Variants in TOP6BL observed in about 807,000 individuals in gnomAD.
TOP6BL encodes the protein TOP6B like initiator of meiotic double strand breaks, also known as type 2 DNA topoisomerase 6 subunit B-like.
At chr11:66,772,112 T>C in the TOP6BL span, among the ~76,000 whole-genome samples, 1 of 152,128 alleles carries the variant, frequency 6.6e-6, no homozygotes, top group African/African-American at 2.4e-5. Context: ...TTCCAACCCT[T>C]ATGGATGACT....
At chr11:66,837,251 C>A in the TOP6BL span, among the ~76,000 whole-genome samples, 1 of 151,156 alleles carries the variant, frequency 6.6e-6, no homozygotes, top group East Asian at 2.0e-4. Flanking sequence ...CTCAGCCTAC[C>A]GCATAGCTGG....
At chr11:66,843,265 T>G in the TOP6BL span, 1 of 1,604,244 alleles carries the variant, frequency 6.2e-7, no homozygotes, top group Non-Finnish European at 8.5e-7. Context: ...CGCCCACCGA[T>G]CCGGAGGCTG....
the TOP6BL span, among the ~76,000 whole-genome samples, chr11:66,809,883 T>G: frequency 6.6e-6 from 1 of 152,162 alleles, no homozygotes; most frequent in Non-Finnish European, 1.5e-5. Context: ...TTTTTTTATT[T>G]TTATTTTTTG....
the TOP6BL span, among the ~76,000 whole-genome samples, chr11:66,745,597 C>T: frequency 6.6e-6 from 1 of 152,186 alleles, no homozygotes; most frequent in Admixed American, 6.5e-5. Context: ...GGGTACTGGG[C>T]AGGTGACAGA....
chr11:66,797,155 A>G, the TOP6BL span, among the ~76,000 whole-genome samples: 5 of 152,054 alleles, frequency 3.3e-5, no homozygotes, highest in South Asian at 8.3e-4. Flanking sequence ...GTGCACCACC[A>G]TGCCCGGCTA....
At chr11:66,793,201 TTAGCCTCCCAAG>T in the TOP6BL span, among the ~76,000 whole-genome samples, 1 of 151,956 alleles carries the variant, frequency 6.6e-6, no homozygotes, top group African/African-American at 2.4e-5. Flanking sequence ...TTCTGGTGTC[TTAGCCTCCCAAG>T]TAGCTGGGAT....
the TOP6BL span, among the ~76,000 whole-genome samples, chr11:66,794,826 T>C: frequency 6.6e-6 from 1 of 152,152 alleles, no homozygotes; most frequent in African/African-American, 2.4e-5. Context: ...TCTCTGAGCC[T>C]TTTTAAAAAA....
chr11:66,777,053 A>G, the TOP6BL span, among the ~76,000 whole-genome samples: 1 of 149,680 alleles, frequency 6.7e-6, no homozygotes, highest in Non-Finnish European at 1.5e-5. Context: ...CTATATCTAT[A>G]TATCTATATC....
At chr11:66,843,365 G>C in the TOP6BL span, 6 of 1,443,366 alleles carry the variant, frequency 4.2e-6, no homozygotes, top group Non-Finnish European at 5.4e-6. Context: ...CCCGGGCGGG[G>C]CGGGGCGGGG....
chr11:66,808,981 C>G, the TOP6BL span, among the ~76,000 whole-genome samples: 1 of 152,016 alleles, frequency 6.6e-6, no homozygotes, highest in Non-Finnish European at 1.5e-5. Flanking sequence ...AGTCTCGCTC[C>G]GTCGCCCAGG....
chr11:66,784,021 TG>T, the TOP6BL span, among the ~76,000 whole-genome samples: 1 of 148,632 alleles, frequency 6.7e-6, no homozygotes, highest in Non-Finnish European at 1.5e-5. Flanking sequence ...TTTTGGTTTT[TG>T]TTTTGTTTTG....
At chr11:66,810,238 A>G in the TOP6BL span, among the ~76,000 whole-genome samples, 2 of 152,216 alleles carry the variant, frequency 1.3e-5, no homozygotes, top group Non-Finnish European at 2.9e-5. Context: ...GAAGACCTGT[A>G]TTATAAGAAA....
At chr11:66,843,368 G>T in the TOP6BL span, 7 of 1,442,746 alleles carry the variant, frequency 4.9e-6, no homozygotes, top group African/African-American at 5.9e-5. Flanking sequence ...GGGCGGGGCG[G>T]GGCGGGGCGT....
At chr11:66,805,209 C>T in the TOP6BL span, among the ~76,000 whole-genome samples, 40 of 151,908 alleles carry the variant, frequency 2.6e-4, no homozygotes, top group African/African-American at 2.7e-4. Context: ...ACTCTAGCCT[C>T]GGTGACAGAG....
chr11:66,746,422 GA>G, the TOP6BL span, among the ~76,000 whole-genome samples: 1 of 151,676 alleles, frequency 6.6e-6, no homozygotes, highest in East Asian at 2.0e-4. Context: ...CTCCGTCTCT[GA>G]AAAAAATACA....
At chr11:66,830,428 G>A in the TOP6BL span, among the ~76,000 whole-genome samples, 1 of 152,122 alleles carries the variant, frequency 6.6e-6, no homozygotes, top group Admixed American at 6.6e-5. Flanking sequence ...GAAAATGCCT[G>A]TGTTAGAAAA....
the TOP6BL span, among the ~76,000 whole-genome samples, chr11:66,757,738 C>T: frequency 1.3e-5 from 2 of 152,110 alleles, no homozygotes; most frequent in African/African-American, 2.4e-5. Flanking sequence ...AGGCGCCTGC[C>T]ACCACGCTCA....
chr11:66,824,275 C>T, the TOP6BL span, among the ~76,000 whole-genome samples: 149 of 151,652 alleles, frequency 9.8e-4, 6 homozygotes, highest in South Asian at 0.027. Context: ...GTCGGAGTTT[C>T]GCTCTTGTTG....
At chr11:66,812,791 C>T in the TOP6BL span, among the ~76,000 whole-genome samples, 1 of 152,158 alleles carries the variant, frequency 6.6e-6, no homozygotes, top group Non-Finnish European at 1.5e-5. Flanking sequence ...TTGACAATGT[C>T]TGGAGACGTT....
Sources: gnomAD v4.1 joint callset for allele counts (sites outside exome capture counted in the v4.1 genomes callset) on GRCh38, gnomAD v4.1.1 for gene constraint, MANE v1.5 for transcripts, NCBI Gene and HGNC (gene_info 2026-07-23, HGNC 2026-07-21) for gene names.